HLCS: variants seen among roughly 807,000 people sequenced by gnomAD.
The protein encoded by HLCS is biotin--protein ligase.
In HLCS, 53 loss-of-function variants were observed where a neutral mutation model predicts 75.0. The observed-to-expected ratio is 0.71, with a 90% confidence interval of 0.57 to 0.89. HLCS has a LOEUF of 0.89. Among genes scored for constraint, HLCS ranks in the 40% least tolerant of loss-of-function variants. HLCS has a pLI of 0.00. For synonymous variants in HLCS, 431 were observed against 428.6 expected (o/e 1.01, Z -0.07); for missense variants, 966 against 1,074.0 (o/e 0.90, Z 1.41).
rs141307524 is a variant in HLCS, at chr21:36,881,663, A to C, written c.1892+15197T>G. On this transcript the variant is annotated intron_variant, in intron 6 of 10. Coordinates refer to ENST00000674895, the MANE Select transcript of HLCS (RefSeq NM_001352514.2). ...AACAGGGCAGGGCATAAAAAGAAGTAATCCAGATGATCAGCCAGACATGAA... is the reference window on the plus strand; with the variant it reads ...AACAGGGCAGGGCATAAAAAGAAGTCATCCAGATGATCAGCCAGACATGAA... Among the ~76,000 whole-genome samples the C allele has an allele frequency of 1.3e-3, 195 of 152,326 alleles. 8 individuals are homozygous for C. The East Asian group carries it at 0.034, about 26-fold the overall frequency.
intron 6 of HLCS, among the ~76,000 whole-genome samples, chr21:36,862,457 T>C (rs1651127326): frequency 6.6e-6 from 1 of 152,240 alleles, no homozygotes; most frequent in Admixed American, 6.5e-5. Flanking sequence ...TACTTGTTAC[T>C]GCCTTTTTTC....
intron 6 of HLCS, among the ~76,000 whole-genome samples, chr21:36,889,146 A>G (rs1373078761): frequency 1.3e-5 from 2 of 152,246 alleles, no homozygotes; most frequent in Non-Finnish European, 2.9e-5. Flanking sequence ...CATGAGGCAA[A>G]GAAGTCAAAT....
intron 2 of HLCS, among the ~76,000 whole-genome samples, chr21:36,942,659 T>C (rs1273391952): frequency 2.6e-5 from 4 of 151,902 alleles, no homozygotes; most frequent in African/African-American, 9.7e-5. Flanking sequence ...TTCTTGTGCT[T>C]CAAAAGATAT....
intron 6 of HLCS, among the ~76,000 whole-genome samples, chr21:36,896,055 A>C (rs1385805695): frequency 6.6e-6 from 1 of 152,220 alleles, no homozygotes; most frequent in Non-Finnish European, 1.5e-5. Context: ...AACTGCTTAA[A>C]AAAGGTATGG....
chr21:36,871,828 G>C (rs1257406563), intron 6 of HLCS, among the ~76,000 whole-genome samples: 1 of 152,108 alleles, frequency 6.6e-6, no homozygotes, highest in African/African-American at 2.4e-5. Flanking sequence ...CAAAAGATTT[G>C]AACAACATTT....
At chr21:36,941,995 GA>G (rs1042445001) in intron 2 of HLCS, among the ~76,000 whole-genome samples, 23 of 149,788 alleles carry the variant, frequency 1.5e-4, no homozygotes, top group African/African-American at 5.2e-4. Context: ...CAATGAGAGC[GA>G]AACTGTCTCA....
chr21:36,933,114 G>A (rs1033544888), intron 4 of HLCS, among the ~76,000 whole-genome samples: 1 of 151,874 alleles, frequency 6.6e-6, no homozygotes, highest in Non-Finnish European at 1.5e-5. Context: ...TGAGACTCCG[G>A]CTCAAAAAAA....
intron 6 of HLCS, among the ~76,000 whole-genome samples, chr21:36,848,365 G>C (rs539293062): frequency 1.8e-4 from 28 of 151,392 alleles, no homozygotes; most frequent in African/African-American, 6.6e-4. Flanking sequence ...TGCCTCCCGA[G>C]TTCAAGCAAT....
chr21:36,967,365 C>T (rs1449985258), upstream of HLCS, among the ~76,000 whole-genome samples: 1 of 152,088 alleles, frequency 6.6e-6, no homozygotes, highest in Non-Finnish European at 1.5e-5. Flanking sequence ...CAGATAAGCA[C>T]CAAGAAGGCT....
chr21:36,766,532 C>G (rs1312235500), intron 7 of HLCS, among the ~76,000 whole-genome samples: 1 of 152,056 alleles, frequency 6.6e-6, no homozygotes, highest in Non-Finnish European at 1.5e-5. Flanking sequence ...CAGCAGATTT[C>G]TTATTTCTTT....
At chr21:36,773,412 T>A (rs1468841296) in intron 6 of HLCS, among the ~76,000 whole-genome samples, 1 of 152,264 alleles carries the variant, frequency 6.6e-6, no homozygotes. Context: ...TACCTCAGAC[T>A]GGCCTCCCTT....
intron 6 of HLCS, among the ~76,000 whole-genome samples, chr21:36,879,655 A>G (rs1300600619): frequency 6.6e-6 from 1 of 152,174 alleles, no homozygotes; most frequent in Non-Finnish European, 1.5e-5. Context: ...CAACAGACCA[A>G]GCACAGTGGC....
chr21:36,846,828 A>G (rs2062815027), intron 6 of HLCS, among the ~76,000 whole-genome samples: 1 of 152,132 alleles, frequency 6.6e-6, no homozygotes, highest in Non-Finnish European at 1.5e-5. Flanking sequence ...GCTCAACTCC[A>G]TGTGGTTCTT....
chr21:36,980,026 C>CAAAAAAAAAAAAAAA (rs71198844), intron 1 of HLCS, among the ~76,000 whole-genome samples: 1 of 55,124 alleles, frequency 1.8e-5, no homozygotes, highest in African/African-American at 8.2e-5. Flanking sequence ...GTCCCCATCT[C>CAAAAAAAAAAAAAAA]AAAAAAAAAA....
intron 6 of HLCS, among the ~76,000 whole-genome samples, chr21:36,822,980 T>G (rs1262691804): frequency 6.6e-6 from 1 of 152,242 alleles, no homozygotes; most frequent in African/African-American, 2.4e-5. Context: ...TTATATTGAT[T>G]AGGGCATAAC....
At position 36,937,181 on chromosome 21, in the gene HLCS, G is replaced by C. The variant is rs747650162; in HGVS notation, c.705C>G (p.Asp235Glu). The C allele has an allele frequency of 3.7e-6, 6 of 1,614,006 alleles. No individual in the cohort carries two copies. In the East Asian group the frequency reaches 8.9e-5, roughly 24 times the overall value. ...CAACGGGGCCCCCTCCCCTGTCACT[G>C]TCCCCAGCAGGCTCACTCCCAGAGG... ...GSASGSEPAG[D>E]SDRGGGPVEH... is the part of the protein sequence containing the mutation. The change falls in exon 4 of 11, where the codon GAC (aspartate) becomes GAG (glutamate). Residue 235 changes from aspartate to glutamate, a missense_variant. Coordinates refer to ENST00000674895, the MANE Select transcript of HLCS (RefSeq NM_001352514.2).
At chr21:36,906,264 A>T (rs983784214) in intron 5 of HLCS, among the ~76,000 whole-genome samples, 3 of 152,196 alleles carry the variant, frequency 2.0e-5, no homozygotes, top group African/African-American at 7.2e-5. Flanking sequence ...ATCATAACTC[A>T]TACTCGTAAT....
chr21:36,809,707 A>G (rs1002305963), intron 6 of HLCS, among the ~76,000 whole-genome samples: 2 of 151,994 alleles, frequency 1.3e-5, no homozygotes, highest in Non-Finnish European at 2.9e-5. Context: ...ATTCATAGTG[A>G]GCATATATCA....
At chr21:36,913,525 C>T (rs752628717) in intron 5 of HLCS, among the ~76,000 whole-genome samples, 2 of 152,060 alleles carry the variant, frequency 1.3e-5, no homozygotes, top group African/African-American at 2.4e-5. Flanking sequence ...ATTTGGGAGG[C>T]CCAGGCAGGC....
Sources: gnomAD v4.1 joint callset for allele counts (sites outside exome capture counted in the v4.1 genomes callset) on GRCh38, gnomAD v4.1.1 for gene constraint, MANE v1.5 for transcripts, NCBI Gene and HGNC (gene_info 2026-07-23, HGNC 2026-07-21) for gene names.